Variants in ATXN8OS observed in about 807,000 individuals in gnomAD.
ATXN8OS encodes ATXN8 opposite strand (non-protein coding).
intron 4 of ATXN8OS, among the ~76,000 whole-genome samples, chr13:70,154,733 T>C (rs1218903638): frequency 6.6e-6 from 1 of 152,184 alleles, no homozygotes; most frequent in Non-Finnish European, 1.5e-5. Flanking sequence ...TACTTTGTTT[T>C]ATGAAATGAG....
At position 70,128,828 on chromosome 13, in the gene ATXN8OS, CCAA is replaced by C. The variant is rs201345801; in HGVS notation, n.399-940_399-938del. ...TATGGCTCTAAAATGCTAGATTTGG[CCAA>C]CAACAACAACAACAAAATCCCCCCA... On this transcript the variant is annotated intron_variant and non_coding_transcript_variant, in intron 2 of 4. Transcript: ENST00000678624. Among the ~76,000 whole-genome samples the C allele has an allele frequency of 1.0e-3, 154 of 150,464 alleles. 1 individual carries two copies. Among genetic ancestry groups the C allele is most frequent in the Middle Eastern group, 3.5e-3 (1 of 286 alleles).
intron 3 of ATXN8OS, chr13:70,131,505 T>C (rs1386581698): frequency 2.5e-6 from 1 of 398,486 alleles, no homozygotes; most frequent in Non-Finnish European, 4.4e-6. Context: ...TTTTTTTACA[T>C]GCTCTCTATA....
At chr13:70,117,864 A>G (rs1888301729) in intron 2 of ATXN8OS, among the ~76,000 whole-genome samples, 1 of 149,448 alleles carries the variant, frequency 6.7e-6, no homozygotes, top group Non-Finnish European at 1.5e-5. Context: ...TGTAAAAAAA[A>G]GTTTAAAAAT....
chr13:70,133,023 A>T (rs1465138068), intron 3 of ATXN8OS, among the ~76,000 whole-genome samples: 1 of 152,188 alleles, frequency 6.6e-6, no homozygotes, highest in Non-Finnish European at 1.5e-5. Flanking sequence ...TCAACCCTTA[A>T]ACTATCATTG....
At chr13:70,162,295 C>T (rs1889018598) in intron 4 of ATXN8OS, among the ~76,000 whole-genome samples, 1 of 152,060 alleles carries the variant, frequency 6.6e-6, no homozygotes, top group South Asian at 2.1e-4. Context: ...CAGAATTCAG[C>T]ACCTCAGGGC....
intron 1 of ATXN8OS, among the ~76,000 whole-genome samples, chr13:70,110,565 AAAAG>A (rs1257018071): frequency 1.3e-5 from 2 of 152,060 alleles, no homozygotes; most frequent in East Asian, 3.9e-4. Context: ...AGAAGGAGAA[AAAAG>A]AAAGAGGGAG....
At chr13:70,111,482 C>T (rs1255868104) in intron 1 of ATXN8OS, among the ~76,000 whole-genome samples, 4 of 152,098 alleles carry the variant, frequency 2.6e-5, no homozygotes, top group African/African-American at 9.7e-5. Flanking sequence ...GTCCCTCTTC[C>T]TTTTCTTATA....
chr13:70,164,705 A>T (rs954563637), intron 4 of ATXN8OS, among the ~76,000 whole-genome samples: 5 of 152,002 alleles, frequency 3.3e-5, no homozygotes, highest in Non-Finnish European at 7.4e-5. Flanking sequence ...CAAGATTGGG[A>T]ATGAAAAATT....
chr13:70,143,961 C>T (rs879026109), intron 3 of ATXN8OS, among the ~76,000 whole-genome samples: 16 of 151,780 alleles, frequency 1.1e-4, no homozygotes, highest in African/African-American at 3.4e-4. Flanking sequence ...ATAGCCAAAG[C>T]GGTATGTAAA....
intron 2 of ATXN8OS, among the ~76,000 whole-genome samples, chr13:70,116,324 A>AG (rs1480833876): frequency 6.6e-6 from 1 of 152,246 alleles, no homozygotes; most frequent in East Asian, 1.9e-4. Flanking sequence ...TTTGAAGGAA[A>AG]GGGGGGCTGA....
intron 2 of ATXN8OS, among the ~76,000 whole-genome samples, chr13:70,126,352 T>C (rs1888434903): frequency 6.6e-6 from 1 of 152,144 alleles, no homozygotes; most frequent in African/African-American, 2.4e-5. Flanking sequence ...AACATATATA[T>C]TTCCTCTAAT....
chr13:70,157,729 A>G (rs1032791459), intron 4 of ATXN8OS, among the ~76,000 whole-genome samples: 16 of 152,142 alleles, frequency 1.1e-4, no homozygotes, highest in African/African-American at 3.9e-4. Context: ...AAACAGATTT[A>G]AAAAAGAAAA....
At chr13:70,137,826 G>A (rs902891622) in intron 3 of ATXN8OS, among the ~76,000 whole-genome samples, 1 of 152,124 alleles carries the variant, frequency 6.6e-6, no homozygotes, top group African/African-American at 2.4e-5. Flanking sequence ...CCTGAGACTG[G>A]ATAATTTATG....
intron 2 of ATXN8OS, among the ~76,000 whole-genome samples, chr13:70,116,682 G>A (rs921623690): frequency 6.6e-6 from 1 of 152,142 alleles, no homozygotes; most frequent in African/African-American, 2.4e-5. Flanking sequence ...GATAGCATCT[G>A]ACTTCCATTT....
At chr13:70,120,924 G>C (rs1326575598) in intron 2 of ATXN8OS, among the ~76,000 whole-genome samples, 1 of 151,378 alleles carries the variant, frequency 6.6e-6, no homozygotes, top group African/African-American at 2.4e-5. Flanking sequence ...CCTGTTGTGG[G>C]GTGGGGGGAG....
At chr13:70,167,147 C>T (rs1294837599) in intron 4 of ATXN8OS, among the ~76,000 whole-genome samples, 1 of 151,914 alleles carries the variant, frequency 6.6e-6, no homozygotes, top group South Asian at 2.1e-4. Flanking sequence ...ACCATTTGAC[C>T]CAGCCATCCC....
chr13:70,139,763 ATTAT>A (rs2137491084), intron 3 of ATXN8OS, among the ~76,000 whole-genome samples: 1 of 152,274 alleles, frequency 6.6e-6, no homozygotes, highest in South Asian at 2.1e-4. Flanking sequence ...CATAACATAA[ATTAT>A]TTAAGTGGAT....
chr13:70,125,859 G>A (rs1451587559), intron 2 of ATXN8OS, among the ~76,000 whole-genome samples: 1 of 152,070 alleles, frequency 6.6e-6, no homozygotes, highest in African/African-American at 2.4e-5. Flanking sequence ...ATATAACCGA[G>A]AATACCTGCT....
intron 1 of ATXN8OS, among the ~76,000 whole-genome samples, chr13:70,108,966 G>A (rs1888153166): frequency 6.6e-6 from 1 of 152,162 alleles, no homozygotes; most frequent in Admixed American, 6.5e-5. Flanking sequence ...ATTTGAAGAT[G>A]GGCATCTGAA....
Sources: allele counts gnomAD v4.1 joint callset (sites outside exome capture counted in the v4.1 genomes callset), GRCh38; gene constraint gnomAD v4.1.1; transcripts MANE v1.5; gene names NCBI Gene and HGNC (gene_info 2026-07-23, HGNC 2026-07-21).